The following KAZALD1 variants were observed in gnomAD, a reference collection of about 807,000 sequenced individuals.
KAZALD1 encodes the protein kazal-type serine protease inhibitor domain-containing protein 1.
Under a neutral mutation model 27.7 loss-of-function variants are expected in KAZALD1, and 31 were observed. That is an observed-to-expected ratio of 1.12 (90% confidence interval 0.84 to 1.51). The LOEUF (loss-of-function observed/expected upper bound fraction) is 1.51. KAZALD1 is among the 40% of genes most tolerant of loss of function. KAZALD1 has a pLI of 0.00. For synonymous variants in KAZALD1, 179 were observed against 182.0 expected, an observed-to-expected ratio of 0.98 and a Z score of 0.13; for missense variants, 444 against 408.9, an observed-to-expected ratio of 1.09 and a Z score of -0.74.
chr10:101,064,177 C>A, intron 2 of KAZALD1, 84 bp from the exon 3 acceptor site: 1 of 1,499,650 alleles, frequency 6.7e-7, no homozygotes, highest in Non-Finnish European at 9.2e-7. Context: ...AGCATGTCCA[C>A]AAAAATTTGT....
In KAZALD1 at chr10:101,062,820, C is replaced by G; in HGVS notation, c.228C>G (p.Cys76Trp). Residue 76 changes from cysteine to tryptophan, a missense_variant, in exon 2 of 5, where the codon TGC (cysteine) becomes TGG (tryptophan). By Grantham distance (215) the Cys-to-Trp change is radical. Transcript: ENST00000370200. The stretch of plus-strand genomic sequence containing the variant: ...TGGCGGGCAGGGTGCGCGACGCGTG[C>G]GGCTGCTGCTGGGAATGCGCCAACC... ...GCLAGRVRDACGCCWECANLE... is the reference protein window; with the variant it reads ...GCLAGRVRDAWGCCWECANLE... 6.3e-7 allele frequency: 1 copy of G among 1,585,490 alleles called. No individual in the cohort carries two copies. The highest frequency in any genetic ancestry group is 1.4e-5 in the African/African-American group (1 of 73,156).
In KAZALD1 at chr10:101,062,764, C is replaced by T; in HGVS notation, c.172C>T (p.Pro58Ser). 4 of 1,553,000 alleles carry T rather than the reference C, an allele frequency of 2.6e-6. No homozygotes were observed. Among genetic ancestry groups the T allele is most frequent in the Non-Finnish European group, 3.5e-6 (4 of 1,158,898 alleles). The change falls in exon 2 of 5, where the codon CCA becomes TCA. Residue 58 changes from proline (P) to serine (S), a missense_variant. Coordinates refer to ENST00000370200, the MANE Select transcript of KAZALD1 (RefSeq NM_030929.5). ...GGGCGAGGGCTGCGCTCCCTGCCGG[C>T]CAGAAGAGTGCGCCGCGCCGCGGGG... ...AEGEGCAPCR[P>S]EECAAPRGCL... is the part of the protein sequence containing the mutation.
At position 101,066,448 on chromosome 10, in the gene KAZALD1, C is replaced by CTT; in HGVS notation, c.*1528_*1529insTT. ...CAGCGACAGTTTTTATTGCCGAACCCAGGCTGGAAGCGGGCGGCCCTAGGA... is the reference window on the plus strand; with the variant it reads ...CAGCGACAGTTTTTATTGCCGAACCCTTAGGCTGGAAGCGGGCGGCCCTAGGA... On this transcript the variant is annotated 3_prime_UTR_variant, in exon 5 of 5. Transcript: ENST00000370200. The CTT allele has an allele frequency of 2.2e-6, 1 of 456,624 alleles. No homozygotes were observed. The highest frequency in any genetic ancestry group is 2.0e-5 in the African/African-American group (1 of 50,088). The allele number at this position is 456,624 out of a possible 1,614,324, so 28.3% of individuals were successfully genotyped here. A position where few individuals can be genotyped will look rare whatever the true frequency, so the allele number is the denominator to read the frequency against.
intron 2 of KAZALD1, among the ~76,000 whole-genome samples, chr10:101,063,829 G>C (rs1046632117): frequency 1.3e-5 from 2 of 152,230 alleles, no homozygotes; most frequent in Non-Finnish European, 2.9e-5. Flanking sequence ...AGGAGGGAAC[G>C]GCTGCTTTTC....
chr10:101,068,039 G>T (rs954047618), downstream of KAZALD1: 1 of 471,708 alleles, frequency 2.1e-6, no homozygotes, highest in East Asian at 6.9e-5. Flanking sequence ...GCCATCTGGT[G>T]GATCCTTCTG....
At chr10:101,064,239 G>T in intron 2 of KAZALD1, 22 bp from the exon 3 acceptor site, 1 of 1,613,600 alleles carries the variant, frequency 6.2e-7, no homozygotes, top group South Asian at 1.1e-5. Context: ...GCTATTCTCA[G>T]ACCTCCCGCC....
chr10:101,062,984 A>G lies in KAZALD1; in HGVS notation c.392A>G (p.Gln131Arg). ...VPEPLCACRS[Q>R]SPLCGSDGHT... is the part of the protein sequence containing the mutation. ...GAACCTCTGTGTGCCTGTCGTTCGC[A>G]GAGTCCGCTCTGCGGGTCCGACGGT... Residue 131 changes from glutamine (Q) to arginine (R), a missense_variant, in exon 2 of 5, where the codon CAG becomes CGG. By Grantham distance (43) the Gln-to-Arg change is conservative. Transcript: ENST00000370200. The G allele has an allele frequency of 6.2e-7, 1 of 1,601,374 alleles. No homozygotes were observed. The highest frequency in any genetic ancestry group is 1.1e-5 in the South Asian group (1 of 90,960).
intron 2 of KAZALD1, among the ~76,000 whole-genome samples, chr10:101,063,667 G>T (rs807038): frequency 6.6e-6 from 1 of 152,134 alleles, no homozygotes; most frequent in Non-Finnish European, 1.5e-5. Context: ...TCCTGAGCCC[G>T]GGCTCTGCGT....
At chr10:101,063,148 G>C in intron 2 of KAZALD1, 45 bp downstream of exon 2, 1 of 1,460,690 alleles carries the variant, frequency 6.8e-7, no homozygotes, top group Non-Finnish European at 9.1e-7. Context: ...AGGTTTCCTA[G>C]AGGCACTGCT....
rs544656107 is a variant in KAZALD1, at chr10:101,066,773, A to G, written c.*1853A>G. On this transcript the variant is annotated 3_prime_UTR_variant, in exon 5 of 5. Coordinates refer to ENST00000370200, the MANE Select transcript of KAZALD1 (RefSeq NM_030929.5). ...AAGCCCCACCCCACCGGAGAGGGTC[A>G]CGCAGGTCCCGGGGAATCCGCACTC... 1.8e-4 allele frequency: 63 copies of G among 341,222 alleles called. 1 individual carries two copies. In the East Asian group the frequency reaches 4.2e-3, roughly 23 times the overall value. The allele number at this position is 341,222 out of a possible 1,614,324, so 21.1% of individuals were successfully genotyped here.
Position 101,064,810 on chromosome 10 carries a change from C to T in KAZALD1, c.821-16C>T, listed in dbSNP as rs757068257. The T allele has an allele frequency of 3.1e-6, 5 of 1,612,986 alleles. No homozygotes were observed. In the South Asian group the frequency reaches 4.4e-5, roughly 14 times the overall value. On this transcript the variant is annotated splice_polypyrimidine_tract_variant and intron_variant, in intron 4 of 4. Transcript: ENST00000370200. ...CTCTCTCCTGTTCTCTCTTCTTTGC[C>T]CATGTGTGTTTGCAGACCAGCTGAA... is the stretch of plus-strand genomic sequence containing the variant.
rs775029615 is a variant in KAZALD1, at chr10:101,064,877, C to T, written c.872C>T (p.Pro291Leu). The T allele has an allele frequency of 1.1e-5, 17 of 1,614,016 alleles. No individual in the cohort carries two copies. The Admixed American group carries it at 2.8e-4, about 27-fold the overall frequency. ...IPQLRSLNLV[P>L]EEEAESEEND... ...CAGCTGCGATCACTAAACCTGGTTCCTGAGGAGGAGGCTGAGAGTGAAGAG... is the reference window on the plus strand; with the variant it reads ...CAGCTGCGATCACTAAACCTGGTTCTTGAGGAGGAGGCTGAGAGTGAAGAG... The change falls in exon 5 of 5, where the codon CCT becomes CTT. Residue 291 changes from proline (P) to leucine (L), a missense_variant. Pro to Leu is a moderately conservative substitution (Grantham distance 98, BLOSUM62 -3). Coordinates refer to ENST00000370200, the MANE Select transcript of KAZALD1 (RefSeq NM_030929.5).
rs373068550 is a variant in KAZALD1, at chr10:101,064,457, A to G, written c.672+36A>G. 1.4e-5 allele frequency: 23 copies of G among 1,614,042 alleles called. No homozygotes were observed. In the African/African-American group the frequency reaches 2.5e-4, roughly 18 times the overall value. ...GGGAGAGGCTTCCCTCAGGCAGCCC[A>G]GGGCCCTCCAGAAGGACCCTGCTGA... is the stretch of plus-strand genomic sequence containing the variant. On this transcript the variant is annotated intron_variant, in intron 3 of 4. Transcript: ENST00000370200.
Position 101,065,986 on chromosome 10 carries a change from A to G in KAZALD1, c.*1066A>G, listed in dbSNP as rs1939309271. ...ATACCCTTCCCCAGCTCCCATAGGA[A>G]TCTACCCATTTCCTGCAGAAGCCAG... On this transcript the variant is annotated 3_prime_UTR_variant, in exon 5 of 5. Coordinates refer to ENST00000370200, the MANE Select transcript of KAZALD1 (RefSeq NM_030929.5). Among the ~76,000 whole-genome samples, 1 of 152,208 alleles carries G rather than the reference A, an allele frequency of 6.6e-6. No individual in the cohort carries two copies. Among genetic ancestry groups the G allele is most frequent in the Non-Finnish European group, 1.5e-5 (1 of 68,030 alleles).
chr10:101,064,897 G>T lies in KAZALD1; in HGVS notation c.892G>T (p.Glu298Ter). ...GGTTCCTGAGGAGGAGGCTGAGAGTGAAGAGAATGACGATTACTACTAGGT... is the reference window on the plus strand; with the variant it reads ...GGTTCCTGAGGAGGAGGCTGAGAGTTAAGAGAATGACGATTACTACTAGGT... Reference protein sequence around the residue: ...NLVPEEEAESEENDDYY With the variant: ...NLVPEEEAES Residue 298 changes from glutamate to a stop codon, truncating the protein, a stop_gained, in exon 5 of 5, where the codon GAA (glutamate) becomes TAA (stop). Coordinates refer to ENST00000370200, the MANE Select transcript of KAZALD1 (RefSeq NM_030929.5). LOFTEE classifies it high-confidence loss of function. 2 of 1,613,938 alleles carry T rather than the reference G, an allele frequency of 1.2e-6. No individual in the cohort carries two copies. The highest frequency in any genetic ancestry group is 1.7e-6 in the Non-Finnish European group (2 of 1,179,800).
intron 2 of KAZALD1, among the ~76,000 whole-genome samples, chr10:101,063,644 A>G (rs1246963802): frequency 6.6e-6 from 1 of 152,192 alleles, no homozygotes; most frequent in Non-Finnish European, 1.5e-5. Flanking sequence ...TGGTAGCTTT[A>G]GTAACTTTCA....
chr10:101,063,520 AC>A (rs1939228276), intron 2 of KAZALD1, among the ~76,000 whole-genome samples: 1 of 152,190 alleles, frequency 6.6e-6, no homozygotes, highest in Non-Finnish European at 1.5e-5. Flanking sequence ...CAGTTTGTTC[AC>A]CCAGTCTCCC....
At position 101,063,060 on chromosome 10, in the gene KAZALD1, C is replaced by G. The variant is rs539835473; in HGVS notation, c.468C>G (p.Pro156=). The G allele has an allele frequency of 6.3e-7, 1 of 1,578,412 alleles. No homozygotes were observed. Among genetic ancestry groups the G allele is most frequent in the Non-Finnish European group, 8.6e-7 (1 of 1,165,628 alleles). The change falls in exon 2 of 5, where the codon CCC becomes CCG. Residue 156 remains proline (P), a synonymous_variant. Transcript: ENST00000370200. The part of the protein sequence containing the change: ...CRLQEAARAR[P]DANLTVAHPG... ...TGCAGGAGGCGGCCCGCGCTCGGCC[C>G]GATGCCAACCTCACTGTGGCACACC... is the stretch of plus-strand genomic sequence containing the variant.
chr10:101,067,181 C>A (rs1167651069), downstream of KAZALD1: 1 of 440,514 alleles, frequency 2.3e-6, no homozygotes, highest in Non-Finnish European at 4.6e-6. Context: ...GAGGCTGAGC[C>A]GCTGCCAGAA....
Sources: allele counts gnomAD v4.1 joint callset (sites outside exome capture counted in the v4.1 genomes callset), GRCh38; gene constraint gnomAD v4.1.1; transcripts MANE v1.5; gene names NCBI Gene and HGNC (gene_info 2026-07-23, HGNC 2026-07-21).